Variants in SOX5 observed in about 807,000 individuals in gnomAD.
SOX5 encodes SRY-box transcription factor 5, also known as transcription factor SOX-5.
SOX5 carries 9 observed loss-of-function variants against 92.0 expected under a neutral mutation model. That is an observed-to-expected ratio of 0.10 (90% CI 0.06 to 0.17). The LOEUF (loss-of-function observed/expected upper bound fraction) is 0.17, where lower values mean the gene tolerates loss of function less well. SOX5 is among the 10% of genes least tolerant of loss of function. The pLI is 1.00. For missense variants in SOX5, 642 were observed against 944.5 expected, an observed-to-expected ratio of 0.68 and a Z score of 4.20; for synonymous variants, 344 against 336.3, an observed-to-expected ratio of 1.02 and a Z score of -0.25.
At chr12:24,030,245 C>T (rs1157152767) in intron 4 of SOX5, among the ~76,000 whole-genome samples, 1 of 151,822 alleles carries the variant, frequency 6.6e-6, no homozygotes, top group Admixed American at 6.6e-5. Flanking sequence ...CCAAATAAAT[C>T]TACAGCAAAA....
At chr12:23,650,802 G>A (rs1289844416) in intron 7 of SOX5, among the ~76,000 whole-genome samples, 2 of 152,102 alleles carry the variant, frequency 1.3e-5, no homozygotes, top group African/African-American at 2.4e-5. Context: ...TGAAGACAAC[G>A]TTAAGTCACT....
chr12:23,651,478 A>G (rs2081555191), intron 7 of SOX5, among the ~76,000 whole-genome samples: 1 of 152,102 alleles, frequency 6.6e-6, no homozygotes, highest in Non-Finnish European at 1.5e-5. Flanking sequence ...CATTCAATTA[A>G]CATGTATCAA....
intron 1 of SOX5, among the ~76,000 whole-genome samples, chr12:23,941,452 A>G (rs980188577): frequency 2.6e-5 from 4 of 151,504 alleles, no homozygotes; most frequent in Admixed American, 6.6e-5. Flanking sequence ...TGTACTATAA[A>G]TATTTATATA....
At chr12:24,081,859 G>A (rs764082748) in intron 4 of SOX5, among the ~76,000 whole-genome samples, 2 of 151,810 alleles carry the variant, frequency 1.3e-5, no homozygotes, top group African/African-American at 2.4e-5. Flanking sequence ...TCTCTCACCC[G>A]CTTTCTCTCA....
At chr12:24,143,867 G>GAAGGAGGAGGAGGAGGA (rs1027160023) in intron 4 of SOX5, among the ~76,000 whole-genome samples, 6 of 151,314 alleles carry the variant, frequency 4.0e-5, no homozygotes, top group African/African-American at 1.5e-4. Context: ...AGAAGGAGGA[G>GAAGGAGGAGGAGGAGGA]AAGGAGGAGG....
At chr12:23,885,151 G>C (rs2097049743) in intron 2 of SOX5, among the ~76,000 whole-genome samples, 1 of 152,128 alleles carries the variant, frequency 6.6e-6, no homozygotes, top group Non-Finnish European at 1.5e-5. Flanking sequence ...TCCTACTCCA[G>C]GATGTGTGTT....
intron 8 of SOX5, among the ~76,000 whole-genome samples, chr12:23,627,269 C>T (rs2077952371): frequency 6.6e-6 from 1 of 152,102 alleles, no homozygotes. Context: ...TTGAAACATA[C>T]ATTTTTGTAA....
intron 1 of SOX5, among the ~76,000 whole-genome samples, chr12:24,506,672 G>A (rs1948777359): frequency 6.6e-6 from 1 of 151,698 alleles, no homozygotes; most frequent in African/African-American, 2.4e-5. Context: ...AAAATCTGCT[G>A]ATCAGAGCCT....
intron 1 of SOX5, among the ~76,000 whole-genome samples, chr12:24,523,310 C>G (rs1950415749): frequency 6.6e-6 from 1 of 152,160 alleles, no homozygotes; most frequent in Non-Finnish European, 1.5e-5. Context: ...AGTGTCCATA[C>G]TACCCAAAAT....
At position 23,665,448 on chromosome 12, in the gene SOX5, T is replaced by A. The variant is rs752765179; in HGVS notation, c.927A>T (p.Gly309=). Residue 309 remains glycine (G), a synonymous_variant, in exon 7 of 15, where the codon GGA becomes GGT. Coordinates refer to ENST00000451604, the MANE Select transcript of SOX5 (RefSeq NM_006940.6). ...TGAAAAATCAACAGTACTTACTACA[T>A]CCAGCCTTATAGCTGAAGCCTGGAG... ...LLPPGFSYKA[G]CSDPYPVQLI... is the part of the protein sequence containing the mutation. 4 of 1,613,438 alleles carry A rather than the reference T, an allele frequency of 2.5e-6. No individual in the cohort carries two copies. The African/African-American group carries it at 4.0e-5, about 16-fold the overall frequency.
chr12:24,518,924 A>G (rs1244520414), intron 1 of SOX5, among the ~76,000 whole-genome samples: 23 of 152,200 alleles, frequency 1.5e-4, no homozygotes, highest in Admixed American at 1.3e-3. Flanking sequence ...GAAATTTTCT[A>G]TAATTCTTTC....
At chr12:23,623,893 C>G (rs989963860) in intron 8 of SOX5, among the ~76,000 whole-genome samples, 3 of 152,008 alleles carry the variant, frequency 2.0e-5, no homozygotes, top group African/African-American at 7.2e-5. Flanking sequence ...ATCCAATATT[C>G]ATAACAGCAT....
intron 2 of SOX5, among the ~76,000 whole-genome samples, chr12:23,851,029 T>A (rs554567952): frequency 7.2e-5 from 11 of 151,960 alleles, no homozygotes; most frequent in African/African-American, 2.4e-4. Context: ...AAAAATAATA[T>A]CAGCTCATCA....
At chr12:24,175,364 C>T (rs1488019994) in intron 4 of SOX5, among the ~76,000 whole-genome samples, 3 of 152,136 alleles carry the variant, frequency 2.0e-5, no homozygotes, top group Non-Finnish European at 2.9e-5. Context: ...CAAAAAAGTA[C>T]GATGGATATT....
intron 1 of SOX5, among the ~76,000 whole-genome samples, chr12:24,484,864 T>C (rs1946359027): frequency 6.6e-6 from 1 of 152,156 alleles, no homozygotes; most frequent in African/African-American, 2.4e-5. Context: ...GAGGTAGAAA[T>C]AAAACATAAG....
chr12:24,092,956 G>A (rs1397698075), intron 4 of SOX5, among the ~76,000 whole-genome samples: 1 of 152,178 alleles, frequency 6.6e-6, no homozygotes, highest in Non-Finnish European at 1.5e-5. Context: ...ACTAGAAGGT[G>A]TGAGACCACA....
chr12:23,865,256 C>A (rs2096798386), intron 2 of SOX5, among the ~76,000 whole-genome samples: 1 of 152,218 alleles, frequency 6.6e-6, no homozygotes, highest in Non-Finnish European at 1.5e-5. Flanking sequence ...CGCACCAAGT[C>A]ACCCAGAAGC....
chr12:24,155,814 G>A (rs1316068101), intron 4 of SOX5, among the ~76,000 whole-genome samples: 1 of 152,178 alleles, frequency 6.6e-6, no homozygotes. Context: ...GTTTGAGGAA[G>A]GAGGGCAGGC....
In SOX5 at chr12:23,962,624, C is replaced by T. The variant is rs1591835355; in HGVS notation, c.-1-66600G>A. 3.3e-5 allele frequency among the ~76,000 whole-genome samples: 5 copies of T among 152,260 alleles called. No individual in the cohort carries two copies. In the South Asian group the frequency reaches 1.0e-3, roughly 32 times the overall value. ...TATTAATTTTATAATGGCAATAATCCTGTCAAATACAACTGCCATTCCATT... is the reference window on the plus strand; with the variant it reads ...TATTAATTTTATAATGGCAATAATCTTGTCAAATACAACTGCCATTCCATT... On this transcript the variant is annotated intron_variant, in intron 4 of 4. Coordinates refer to the SOX5 transcript ENST00000446891.
Sources: allele counts gnomAD v4.1 joint callset (sites outside exome capture counted in the v4.1 genomes callset), GRCh38; gene constraint gnomAD v4.1.1; transcripts MANE v1.5; gene names NCBI Gene and HGNC (gene_info 2026-07-23, HGNC 2026-07-21).